Variants in ALK observed in about 807,000 individuals in gnomAD.
The protein encoded by ALK is ALK tyrosine kinase receptor.
ALK carries 74 observed loss-of-function variants against 163.1 expected under a neutral mutation model. The ratio of observed to expected loss-of-function variants is 0.45; its 90% confidence interval spans 0.38 to 0.55. The LOEUF is 0.55. Among genes scored for constraint, ALK ranks in the 20% least tolerant of loss-of-function variants. ALK has a pLI of 0.00. For synonymous variants in ALK, 960 were observed against 843.2 expected (o/e 1.14, Z -2.40); for missense variants, 2,063 against 2,105.3 (o/e 0.98, Z 0.39).
At chr2:29,856,786 C>T (rs1666150444) in intron 1 of ALK, among the ~76,000 whole-genome samples, 1 of 152,198 alleles carries the variant, frequency 6.6e-6, no homozygotes, top group Admixed American at 6.5e-5. Flanking sequence ...TGTGTCCTTC[C>T]AGAGGACAAA....
At chr2:29,553,483 T>G (rs981215822) in intron 3 of ALK, among the ~76,000 whole-genome samples, 1 of 152,258 alleles carries the variant, frequency 6.6e-6, no homozygotes, top group Admixed American at 6.5e-5. Context: ...GCTTTACTCC[T>G]GCATTTGCCA....
chr2:29,709,893 T>A (rs549922884), intron 2 of ALK, among the ~76,000 whole-genome samples: 2 of 152,298 alleles, frequency 1.3e-5, no homozygotes, highest in African/African-American at 4.8e-5. Context: ...GTTGGGGGTA[T>A]CACACATGCA....
chr2:29,920,516 G>A lies in ALK; in HGVS notation c.144C>T (p.Arg48=), dbSNP rs2148443808. The A allele has an allele frequency of 1.2e-6, 2 of 1,612,404 alleles. No individual in the cohort carries two copies. The highest frequency in any genetic ancestry group is 2.2e-5 in the South Asian group (2 of 91,024). ...LQPREPLSYS[R]LQRKSLAVDF... ...CAACTGCCAGACTCTTCCTCTGCAG[G>A]CGCGAGTAGCTGAGTGGCTCCCGGG... The change falls in exon 1 of 29, where the codon CGC becomes CGT. Residue 48 remains arginine (R), a synonymous_variant. Transcript: ENST00000389048.
At chr2:29,197,770 T>C in intron 26 of ALK, 94 bp from the exon 27 acceptor site, 1 of 1,135,094 alleles carries the variant, frequency 8.8e-7, no homozygotes, top group East Asian at 2.4e-5. Flanking sequence ...ATTTCAACCT[T>C]TTTTTCCCCC....
intron 1 of ALK, among the ~76,000 whole-genome samples, chr2:29,913,244 TAG>T (rs1010541789): frequency 1.3e-5 from 2 of 152,200 alleles, no homozygotes; most frequent in Admixed American, 1.3e-4. Context: ...GCGAATCTGA[TAG>T]AATTTCCCTG....
intron 1 of ALK, among the ~76,000 whole-genome samples, chr2:29,912,513 T>TAATGGAAA (rs1380133652): frequency 6.6e-6 from 1 of 152,086 alleles, no homozygotes; most frequent in Non-Finnish European, 1.5e-5. Context: ...GTCAATAGTC[T>TAATGGAAA]TATTCTAATG....
intron 3 of ALK, among the ~76,000 whole-genome samples, chr2:29,621,604 C>T (rs1389360502): frequency 3.3e-5 from 5 of 152,356 alleles, no homozygotes; most frequent in African/African-American, 4.8e-5. Flanking sequence ...TGCACAAAGA[C>T]GTCTCATCAT....
chr2:29,493,566 A>T (rs1037994381), intron 4 of ALK, among the ~76,000 whole-genome samples: 10 of 152,194 alleles, frequency 6.6e-5, no homozygotes, highest in African/African-American at 2.2e-4. Context: ...AGGGAGTGGC[A>T]TGCAGTGAAA....
intron 4 of ALK, among the ~76,000 whole-genome samples, chr2:29,505,267 T>C (rs1573409967): frequency 1.3e-5 from 2 of 152,058 alleles, no homozygotes; most frequent in African/African-American, 4.8e-5. Context: ...GCCCCCAGCA[T>C]GCCTCTGGGG....
chr2:29,740,502 T>C (rs898811716), intron 1 of ALK, among the ~76,000 whole-genome samples: 3 of 152,144 alleles, frequency 2.0e-5, no homozygotes, highest in Admixed American at 1.3e-4. Flanking sequence ...CTTTGGACCA[T>C]GACAATTCCT....
intron 1 of ALK, among the ~76,000 whole-genome samples, chr2:29,735,160 T>A (rs1246284552): frequency 6.6e-6 from 1 of 151,040 alleles, no homozygotes; most frequent in Non-Finnish European, 1.5e-5. Context: ...AGAATGGAAA[T>A]GGGTAAGGAG....
chr2:29,256,695 G>A (rs928919644), intron 11 of ALK, among the ~76,000 whole-genome samples: 1 of 151,992 alleles, frequency 6.6e-6, no homozygotes, highest in African/African-American at 2.4e-5. Flanking sequence ...GGCCCAAAGA[G>A]TAGGCAGGCC....
chr2:29,311,408 TA>T (rs1666691085), intron 8 of ALK, among the ~76,000 whole-genome samples: 1 of 152,176 alleles, frequency 6.6e-6, no homozygotes, highest in Admixed American at 6.5e-5. Flanking sequence ...TTCCTAGGGG[TA>T]CCCAAAGCCA....
intron 1 of ALK, among the ~76,000 whole-genome samples, chr2:29,783,022 GTGT>G (rs1663880419): frequency 6.6e-6 from 1 of 152,200 alleles, no homozygotes; most frequent in African/African-American, 2.4e-5. Context: ...TAGCAGTGTT[GTGT>G]TCTGTTTCTA....
intron 12 of ALK, among the ~76,000 whole-genome samples, chr2:29,243,879 C>G (rs1664585781): frequency 6.6e-6 from 1 of 152,216 alleles, no homozygotes; most frequent in African/African-American, 2.4e-5. Flanking sequence ...AGATACTGCT[C>G]TCAATGAGCT....
chr2:29,523,392 A>C (rs1433987370), intron 4 of ALK, among the ~76,000 whole-genome samples: 1 of 152,082 alleles, frequency 6.6e-6, no homozygotes, highest in Non-Finnish European at 1.5e-5. Context: ...TCCAACTCCA[A>C]ACCTTGTTCT....
intron 1 of ALK, among the ~76,000 whole-genome samples, chr2:29,820,451 AT>A (rs1665017685): frequency 6.6e-6 from 1 of 152,168 alleles, no homozygotes. Flanking sequence ...CCAAACTATA[AT>A]GTCACAGATG....
intron 3 of ALK, among the ~76,000 whole-genome samples, chr2:29,564,436 C>T (rs183030123): frequency 2.3e-4 from 24 of 103,596 alleles, no homozygotes; most frequent in African/African-American, 8.3e-4. Context: ...AGGATCCCTA[C>T]CACCACCCCC....
intron 4 of ALK, among the ~76,000 whole-genome samples, chr2:29,505,186 G>A (rs181402706): frequency 1.3e-5 from 2 of 152,306 alleles, no homozygotes; most frequent in African/African-American, 4.8e-5. Flanking sequence ...CCTGCTCTGG[G>A]TTCTCAGGTG....
Sources: gnomAD v4.1 joint callset for allele counts (sites outside exome capture counted in the v4.1 genomes callset) on GRCh38, gnomAD v4.1.1 for gene constraint, MANE v1.5 for transcripts, NCBI Gene and HGNC (gene_info 2026-07-23, HGNC 2026-07-21) for gene names.